Variants in MITF observed in about 807,000 individuals in gnomAD.
MITF encodes microphthalmia-associated transcription factor.
MITF carries 17 observed loss-of-function variants against 60.5 expected under a neutral mutation model. That is an observed-to-expected ratio of 0.28 (90% CI 0.19 to 0.42). The LOEUF is 0.42. Among genes scored for constraint, MITF ranks in the 10% least tolerant of loss-of-function variants. The pLI, the probability that MITF is intolerant of heterozygous loss-of-function variation, is 1.00. For missense variants in MITF, 622 were observed against 683.5 expected, an observed-to-expected ratio of 0.91 and a Z score of 1.00; for synonymous variants, 260 against 248.5, an observed-to-expected ratio of 1.05 and a Z score of -0.43.
intron 1 of MITF, among the ~76,000 whole-genome samples, chr3:69,820,480 G>A (rs1458947163): frequency 6.6e-6 from 1 of 150,874 alleles, no homozygotes; most frequent in African/African-American, 2.4e-5. Flanking sequence ...TTTTTTTTCA[G>A]TTGTAAAAGA....
intron 2 of MITF, among the ~76,000 whole-genome samples, chr3:69,902,496 T>G (rs184645558): frequency 6.6e-5 from 10 of 152,240 alleles, no homozygotes; most frequent in South Asian, 4.1e-4. Context: ...TTGATTCTTA[T>G]GTTTGAGTGA....
In MITF at chr3:69,879,170, G is replaced by T. The variant is rs199697494; in HGVS notation, c.141G>T (p.Pro47=). ...SAEHPGASKP[P]ISSSSMTSRI... ...AGCATCCTGGGGCCTCCAAGCCTCC[G>T]ATAAGCTCCTCCAGTATGACATCAC... The change falls in exon 2 of 10, where the codon CCG becomes CCT. Residue 47 remains proline (P), a synonymous_variant. Coordinates refer to ENST00000352241, the MANE Select transcript of MITF (RefSeq NM_001354604.2). The T allele has an allele frequency of 2.6e-5, 42 of 1,614,086 alleles. No homozygotes were observed. The highest frequency in any genetic ancestry group is 3.3e-4 in the Middle Eastern group (2 of 6,084).
chr3:69,915,715 G>A (rs79882263), intron 2 of MITF, among the ~76,000 whole-genome samples: 2,382 of 152,230 alleles, frequency 0.016, 29 homozygotes, highest in Middle Eastern at 0.054. Flanking sequence ...GCTTGGAACC[G>A]GGAGCAGTAC....
At chr3:69,938,545 T>C (rs1315933681) in intron 3 of MITF, 2 of 1,416,792 alleles carry the variant, frequency 1.4e-6, no homozygotes, top group South Asian at 1.7e-5. Flanking sequence ...ATATAGCACA[T>C]GAGACTTTAA....
chr3:69,838,632 G>C (rs563702981), intron 1 of MITF: 4 of 152,546 alleles, frequency 2.6e-5, no homozygotes, highest in Non-Finnish European at 5.9e-5. Flanking sequence ...GGCTTCCCAG[G>C]GTAAGTCTGA....
intron 1 of MITF, among the ~76,000 whole-genome samples, chr3:69,767,927 C>T (rs2062326542): frequency 6.6e-6 from 1 of 152,094 alleles, no homozygotes; most frequent in African/African-American, 2.4e-5. Flanking sequence ...GGGTAAAAAC[C>T]TTGTTAAAGA....
chr3:69,757,783 C>A (rs997994520), intron 1 of MITF, among the ~76,000 whole-genome samples: 1 of 151,770 alleles, frequency 6.6e-6, no homozygotes. Context: ...GTAGGATCTT[C>A]GGGCAAATTT....
At chr3:69,748,703 C>T (rs1703821807) in intron 1 of MITF, among the ~76,000 whole-genome samples, 1 of 152,368 alleles carries the variant, frequency 6.6e-6, no homozygotes, top group Non-Finnish European at 1.5e-5. Flanking sequence ...ACCCTCCCCA[C>T]CCTTGCCTCT....
intron 1 of MITF, among the ~76,000 whole-genome samples, chr3:69,823,115 G>A (rs927203264): frequency 6.6e-6 from 1 of 152,096 alleles, no homozygotes; most frequent in Non-Finnish European, 1.5e-5. Flanking sequence ...CTGACCTCAG[G>A]TGATCTGCCC....
intron 1 of MITF, 29 bp downstream of exon 1, chr3:69,739,730 A>C (rs2106733043): frequency 6.6e-7 from 1 of 1,519,484 alleles, no homozygotes; most frequent in African/African-American, 1.4e-5. Flanking sequence ...GCAGAGGCGC[A>C]CCGGGCGGCT....
At position 69,964,891 on chromosome 3, in the gene MITF, A is replaced by G. The variant is rs765939413; in HGVS notation, c.1224A>G (p.Pro408=). ...QARAHGLSLI[P]STGLCSPDLV... ...GAGCTCATGGACTTTCCCTTATTCCATCCACGGGTCTCTGCTCTCCAGATT... is the reference window on the plus strand; with the variant it reads ...GAGCTCATGGACTTTCCCTTATTCCGTCCACGGGTCTCTGCTCTCCAGATT... Residue 408 remains proline (P), a synonymous_variant, in exon 10 of 10, where the codon CCA becomes CCG. Transcript: ENST00000352241. 1.9e-6 allele frequency: 3 copies of G among 1,613,906 alleles called. No homozygotes were observed. Among genetic ancestry groups the G allele is most frequent in the Non-Finnish European group, 2.5e-6 (3 of 1,180,012 alleles).
intron 1 of MITF, among the ~76,000 whole-genome samples, chr3:69,785,280 C>T (rs1370837912): frequency 6.6e-6 from 1 of 152,074 alleles, no homozygotes; most frequent in Non-Finnish European, 1.5e-5. Flanking sequence ...CAAGCAGCAG[C>T]AGCAGCAGCA....
At chr3:69,827,827 A>T (rs1208626308) in intron 1 of MITF, among the ~76,000 whole-genome samples, 1 of 152,116 alleles carries the variant, frequency 6.6e-6, no homozygotes. Flanking sequence ...TTAGTGGCCC[A>T]GGCACCCTGA....
chr3:69,939,488 T>G (rs969131874), intron 4 of MITF, among the ~76,000 whole-genome samples: 2 of 152,094 alleles, frequency 1.3e-5, no homozygotes, highest in African/African-American at 4.8e-5. Flanking sequence ...TTATACAAAT[T>G]TGTAGGTTAG....
At chr3:69,938,913 A>G in intron 3 of MITF, 185 bp from the exon 4 acceptor site, 1 of 1,474,768 alleles carries the variant, frequency 6.8e-7, no homozygotes, top group Non-Finnish European at 9.0e-7. Flanking sequence ...CTCTACCCAA[A>G]TTTGTCATCT....
chr3:69,767,336 C>T (rs1454866429), intron 1 of MITF, among the ~76,000 whole-genome samples: 1 of 152,124 alleles, frequency 6.6e-6, no homozygotes, highest in Admixed American at 6.5e-5. Flanking sequence ...GTAATCCTGG[C>T]ACTTTGGGAG....
intron 1 of MITF, among the ~76,000 whole-genome samples, chr3:69,804,396 C>G (rs918679928): frequency 6.6e-6 from 1 of 151,814 alleles, no homozygotes; most frequent in African/African-American, 2.4e-5. Flanking sequence ...CTCTTTGAAC[C>G]CTTTGCACCC....
chr3:69,946,417 A>G (rs1468313686), intron 5 of MITF, among the ~76,000 whole-genome samples: 1 of 152,142 alleles, frequency 6.6e-6, no homozygotes, highest in East Asian at 1.9e-4. Flanking sequence ...CTAACTGGTT[A>G]ATATCAGCAT....
chr3:69,889,010 T>C (rs2064691641), intron 2 of MITF, among the ~76,000 whole-genome samples: 1 of 149,504 alleles, frequency 6.7e-6, no homozygotes, highest in Admixed American at 6.7e-5. Flanking sequence ...AGACAGGCTG[T>C]AGTAATAGCC....
Sources: allele counts gnomAD v4.1 joint callset (sites outside exome capture counted in the v4.1 genomes callset), GRCh38; gene constraint gnomAD v4.1.1; transcripts MANE v1.5; gene names NCBI Gene and HGNC (gene_info 2026-07-23, HGNC 2026-07-21).